TNKS: variants seen among roughly 807,000 people sequenced by gnomAD.
The protein encoded by TNKS is poly [ADP-ribose] polymerase tankyrase-1.
In TNKS, 72 loss-of-function variants were observed where a neutral mutation model predicts 135.8. The ratio of observed to expected loss-of-function variants is 0.53; its 90% CI spans 0.44 to 0.64. The LOEUF (loss-of-function observed/expected upper bound fraction) is 0.64. TNKS is among the 30% of genes least tolerant of loss of function. The pLI is 0.00. For missense variants in TNKS, 1,769 were observed against 1,674.0 expected (o/e 1.06, Z -0.99); for synonymous variants, 849 against 649.3 (o/e 1.31, Z -4.68).
intron 18 of TNKS, among the ~76,000 whole-genome samples, chr8:9,749,863 C>A (rs1470755021): frequency 6.6e-6 from 1 of 152,184 alleles, no homozygotes; most frequent in East Asian, 1.9e-4. Context: ...AAGTGGCTTT[C>A]TCAACCTGTT....
At chr8:9,698,925 AT>A (rs1803660150) in intron 5 of TNKS, among the ~76,000 whole-genome samples, 1 of 152,230 alleles carries the variant, frequency 6.6e-6, no homozygotes, top group Non-Finnish European at 1.5e-5. Flanking sequence ...ATTTTATGAT[AT>A]GAAGATATCA....
chr8:9,764,329 G>A (rs116878281), intron 22 of TNKS, among the ~76,000 whole-genome samples: 4,068 of 152,030 alleles, frequency 0.027, 64 homozygotes, highest in Middle Eastern at 0.048. Flanking sequence ...TTCACCTACA[G>A]AACAAATATT....
intron 2 of TNKS, among the ~76,000 whole-genome samples, chr8:9,589,553 A>C (rs1798511657): frequency 6.6e-6 from 1 of 152,184 alleles, no homozygotes; most frequent in Non-Finnish European, 1.5e-5. Context: ...TTGTTGCTAA[A>C]CCTGAGATGC....
At chr8:9,583,669 A>G (rs1047117334) in intron 2 of TNKS, among the ~76,000 whole-genome samples, 1 of 151,614 alleles carries the variant, frequency 6.6e-6, no homozygotes, top group Non-Finnish European at 1.5e-5. Flanking sequence ...TTGTATTTTT[A>G]TTAGAGACAG....
intron 2 of TNKS, among the ~76,000 whole-genome samples, chr8:9,581,128 T>A (rs543796161): frequency 1.3e-5 from 2 of 152,314 alleles, no homozygotes; most frequent in African/African-American, 4.8e-5. Flanking sequence ...TTCCCAGATG[T>A]CATCCACTTC....
chr8:9,565,233 T>C (rs945107104), intron 1 of TNKS, among the ~76,000 whole-genome samples: 1 of 152,152 alleles, frequency 6.6e-6, no homozygotes, highest in African/African-American at 2.4e-5. Context: ...TTAAGCTGTT[T>C]TTTGGAGTGT....
At chr8:9,620,224 G>A (rs1311824503) in intron 3 of TNKS, among the ~76,000 whole-genome samples, 1 of 152,136 alleles carries the variant, frequency 6.6e-6, no homozygotes, top group Admixed American at 6.5e-5. Context: ...CGGGATTACA[G>A]GTGTGAGCCA....
chr8:9,670,638 T>C (rs1802232967), intron 3 of TNKS: 1 of 152,088 alleles, frequency 6.6e-6, no homozygotes, highest in Admixed American at 6.6e-5. Flanking sequence ...TCTTAGAGGG[T>C]AGATTTTAGA....
intron 11 of TNKS, among the ~76,000 whole-genome samples, chr8:9,718,221 G>A (rs912428017): frequency 2.0e-5 from 3 of 149,140 alleles, no homozygotes; most frequent in Admixed American, 6.7e-5. Flanking sequence ...AAAAAATGCA[G>A]TGTCACTCTA....
At position 9,711,435 on chromosome 8, in the gene TNKS, A is replaced by T. The variant is rs114802865; in HGVS notation, c.1749+1215A>T. On this transcript the variant is annotated intron_variant, in intron 11 of 26. Coordinates refer to ENST00000310430, the MANE Select transcript of TNKS (RefSeq NM_003747.3). ...GTGTCCAAATGAGTTGAATTTATGGATATTATCCTAAATGGTAGAACTTTT... is the reference window on the plus strand; with the variant it reads ...GTGTCCAAATGAGTTGAATTTATGGTTATTATCCTAAATGGTAGAACTTTT... Among the ~76,000 whole-genome samples, 142 of 152,300 alleles carry T rather than the reference A, an allele frequency of 9.3e-4. 1 individual carries two copies. The highest frequency in any genetic ancestry group is 3.3e-3 in the African/African-American group (139 of 41,566).
chr8:9,631,162 T>G (rs1800274189), intron 3 of TNKS, among the ~76,000 whole-genome samples: 1 of 152,216 alleles, frequency 6.6e-6, no homozygotes, highest in South Asian at 2.1e-4. Context: ...AACCGTTAAC[T>G]AGTTCATAAA....
chr8:9,720,508 A>G lies in TNKS; in HGVS notation c.1884A>G (p.Ala628=), dbSNP rs1242946886. The G allele has an allele frequency of 1.2e-6, 2 of 1,613,992 alleles. No individual in the cohort carries two copies. The highest frequency in any genetic ancestry group is 1.1e-5 in the South Asian group (1 of 91,074). Residue 628 remains alanine, a synonymous_variant, in exon 12 of 27, where the codon GCA becomes GCG. Transcript: ENST00000310430. The stretch of plus-strand genomic sequence containing the variant: ...TCTCCTTACAAGGCTTCACAGCAGC[A>G]CAGATGGGCAATGAAGCAGTGCAGC... ...SIISLQGFTA[A]QMGNEAVQQI...
intron 18 of TNKS, among the ~76,000 whole-genome samples, chr8:9,750,915 C>T (rs201401780): frequency 6.6e-6 from 1 of 152,214 alleles, no homozygotes; most frequent in Admixed American, 6.5e-5. Flanking sequence ...TAGTCTAGCC[C>T]AAACTTCTGT....
chr8:9,719,418 C>G (rs1211366936), intron 11 of TNKS, among the ~76,000 whole-genome samples: 3 of 152,178 alleles, frequency 2.0e-5, no homozygotes, highest in Admixed American at 1.3e-4. Context: ...CTGTGTGTAA[C>G]ATGCACTCAT....
intron 25 of TNKS, among the ~76,000 whole-genome samples, chr8:9,769,263 T>A (rs1352761866): frequency 6.6e-6 from 1 of 152,252 alleles, no homozygotes; most frequent in Non-Finnish European, 1.5e-5. Context: ...AGCCATGGGC[T>A]ATAGCTTGCT....
At chr8:9,667,336 C>T (rs966908835) in intron 3 of TNKS, among the ~76,000 whole-genome samples, 8 of 152,138 alleles carry the variant, frequency 5.3e-5, no homozygotes, top group Non-Finnish European at 2.9e-5. Context: ...ATGAACAAAG[C>T]GTATTGTGAT....
At chr8:9,731,230 C>G (rs1157398600) in intron 14 of TNKS, among the ~76,000 whole-genome samples, 195 bp downstream of exon 14, 1 of 152,088 alleles carries the variant, frequency 6.6e-6, no homozygotes, top group Non-Finnish European at 1.5e-5. Flanking sequence ...GAGGCGAAGG[C>G]GGGCAGATCA....
chr8:9,761,402 C>CAAAAG, intron 20 of TNKS, 114 bp from the exon 21 acceptor site: 1 of 1,134,096 alleles, frequency 8.8e-7, no homozygotes, highest in East Asian at 2.6e-5. Flanking sequence ...ATAAAGGGAA[C>CAAAAG]AAAAGAATTT....
chr8:9,747,861 G>T (rs1227597843), intron 17 of TNKS, among the ~76,000 whole-genome samples, 163 bp from the exon 18 acceptor site: 1 of 152,154 alleles, frequency 6.6e-6, no homozygotes, highest in Admixed American at 6.5e-5. Context: ...AGTCCAAAGT[G>T]TAAGTAGAAG....
Sources: allele counts gnomAD v4.1 joint callset (sites outside exome capture counted in the v4.1 genomes callset), GRCh38; gene constraint gnomAD v4.1.1; transcripts MANE v1.5; gene names NCBI Gene and HGNC (gene_info 2026-07-23, HGNC 2026-07-21).